ANKRD11: variants seen among roughly 807,000 people sequenced by gnomAD.
ANKRD11 encodes ankyrin repeat domain 11, also known as ankyrin repeat domain-containing protein 11.
ANKRD11 carries 17 observed loss-of-function variants against 195.7 expected under a neutral mutation model. The ratio of observed to expected loss-of-function variants is 0.09; its 90% CI spans 0.06 to 0.13. The LOEUF is 0.13. Among genes scored for constraint, ANKRD11 ranks in the 10% least tolerant of loss-of-function variants. The probability of loss-of-function intolerance (pLI) is 1.00; values close to 1 mark genes in which losing one functional copy is unlikely to be tolerated. For missense variants in ANKRD11, 3,735 were observed against 3,566.1 expected, an observed-to-expected ratio of 1.05 and a Z score of -1.21; for synonymous variants, 1,953 against 1,528.1, an observed-to-expected ratio of 1.28 and a Z score of -6.49.
intron 2 of ANKRD11, among the ~76,000 whole-genome samples, chr16:89,407,168 A>G (rs1236474528): frequency 6.6e-6 from 1 of 151,954 alleles, no homozygotes; most frequent in African/African-American, 2.4e-5. Flanking sequence ...CTGGGCAACA[A>G]GAGCGAAACC....
intron 1 of ANKRD11, among the ~76,000 whole-genome samples, chr16:89,467,145 A>T (rs973835989): frequency 1.3e-5 from 2 of 152,218 alleles, no homozygotes; most frequent in African/African-American, 4.8e-5. Context: ...CACAAGCTGC[A>T]ATCAGGCCAG....
Position 89,273,422 on chromosome 16 carries a change from C to A in ANKRD11, c.7713+1392G>T, listed in dbSNP as rs562277087. Among the ~76,000 whole-genome samples the A allele has an allele frequency of 4.6e-5, 7 of 152,296 alleles. No homozygotes were observed. The South Asian group carries it at 1.5e-3, about 32-fold the overall frequency. On this transcript the variant is annotated intron_variant, in intron 11 of 12. Transcript: ENST00000301030. ...GTTTTCTTTAAAGAAAATCTGTCGGCTGGGTGCGGTGGCTCACGCCTGTAA... is the reference window on the plus strand; with the variant it reads ...GTTTTCTTTAAAGAAAATCTGTCGGATGGGTGCGGTGGCTCACGCCTGTAA...
intron 1 of ANKRD11, among the ~76,000 whole-genome samples, chr16:89,446,778 G>A (rs2043812771): frequency 6.6e-6 from 1 of 152,052 alleles, no homozygotes; most frequent in Non-Finnish European, 1.5e-5. Context: ...GCACCAAGGG[G>A]CCCTTCTCAC....
intron 1 of ANKRD11, among the ~76,000 whole-genome samples, chr16:89,482,520 C>T (rs924702869): frequency 6.6e-5 from 10 of 152,210 alleles, no homozygotes; most frequent in Admixed American, 5.9e-4. Flanking sequence ...CCCCTGGAAC[C>T]TGTGAATGCC....
In ANKRD11 at chr16:89,281,167, G is replaced by T; in HGVS notation, c.5375C>A (p.Ser1792Tyr). Residue 1792 changes from serine to tyrosine, a missense_variant, in exon 9 of 13, where the codon TCT (serine) becomes TAT (tyrosine). Physicochemically the swap from Ser to Tyr is moderately radical, Grantham distance 144 (BLOSUM62 -2). Coordinates refer to ENST00000301030, the MANE Select transcript of ANKRD11 (RefSeq NM_013275.6). This position sits in a 1 kb window ranked among gnomAD's most constrained non-coding sequence, Gnocchi z 5.5. ...PLSTNLYRSVSVDIRRTPEEE... is the reference protein window; with the variant it reads ...PLSTNLYRSVYVDIRRTPEEE... ...CTCGGGGGTCCTCCTAATGTCGACA[G>T]AGACCGAGCGGTAAAGGTTTGTGGA... 6.2e-7 allele frequency: 1 copy of T among 1,614,176 alleles called. No homozygotes were observed. The highest frequency in any genetic ancestry group is 8.5e-7 in the Non-Finnish European group (1 of 1,180,026).
intron 2 of ANKRD11, among the ~76,000 whole-genome samples, chr16:89,394,762 G>A (rs1272648136): frequency 6.6e-6 from 1 of 152,158 alleles, no homozygotes; most frequent in Non-Finnish European, 1.5e-5. Flanking sequence ...CAAGGATGCT[G>A]TAAAATTACA....
intron 2 of ANKRD11, among the ~76,000 whole-genome samples, chr16:89,328,276 G>T (rs2037841649): frequency 2.0e-5 from 3 of 152,184 alleles, no homozygotes; most frequent in African/African-American, 7.2e-5. Flanking sequence ...CTGCTCTGGA[G>T]AACAGCAAGG....
intron 2 of ANKRD11, among the ~76,000 whole-genome samples, chr16:89,335,236 C>T (rs2038288579): frequency 6.6e-6 from 1 of 152,270 alleles, no homozygotes; most frequent in Middle Eastern, 3.4e-3. Context: ...CTGGGAGACG[C>T]GGGTGACAGC....
intron 11 of ANKRD11, among the ~76,000 whole-genome samples, chr16:89,274,327 G>T (rs958083840): frequency 5.9e-5 from 9 of 152,210 alleles, no homozygotes; most frequent in Non-Finnish European, 1.2e-4. Context: ...TGGCCCAGAT[G>T]AGCGGCACAC....
intron 1 of ANKRD11, among the ~76,000 whole-genome samples, chr16:89,441,669 A>G (rs969031388): frequency 1.7e-4 from 25 of 146,544 alleles, no homozygotes; most frequent in Non-Finnish European, 3.3e-4. Context: ...CGGGAGGCTG[A>G]GGCAGGAGAA....
In ANKRD11 at chr16:89,275,197, G is replaced by A. The variant is rs367974049; in HGVS notation, c.7471-6C>T. 5.6e-6 allele frequency: 9 copies of A among 1,602,638 alleles called. No individual in the cohort carries two copies. In the African/African-American group the frequency reaches 1.1e-4, roughly 19 times the overall value. On this transcript the variant is annotated splice_polypyrimidine_tract_variant and splice_region_variant and intron_variant, in intron 9 of 12. Transcript: ENST00000301030. The stretch of plus-strand genomic sequence containing the variant: ...AGGGAGGGAGGGGGTGCGATCTACA[G>A]GCAAAAGGTGAGTGTGGGGGGTCAG...
chr16:89,300,664 C>G (rs1168231475), intron 4 of ANKRD11: 2 of 517,544 alleles, frequency 3.9e-6, no homozygotes, highest in Non-Finnish European at 3.4e-6. Context: ...CAGGAGCCGT[C>G]AGAACAGCCG....
chr16:89,282,090 C>T lies in ANKRD11; in HGVS notation c.4452G>A (p.Leu1484=), dbSNP rs141176278. 6.2e-7 allele frequency: 1 copy of T among 1,613,954 alleles called. No individual in the cohort carries two copies. Among genetic ancestry groups the T allele is most frequent in the Non-Finnish European group, 8.5e-7 (1 of 1,179,934 alleles). The part of the protein sequence containing the change: ...ERHRDRHADG[L]LRHHRDELLR... ...GGAGCTCGTCCCTGTGATGCCGCAG[C>T]AGCCCATCCGCATGCCTGTCCCGGT... is the stretch of plus-strand genomic sequence containing the variant. The change falls in exon 9 of 13, where the codon CTG becomes CTA. Residue 1484 remains leucine, a synonymous_variant. Transcript: ENST00000301030.
Position 89,280,593 on chromosome 16 carries a change from A to G in ANKRD11, c.5949T>C (p.Ser1983=). The change falls in exon 9 of 13, where the codon TCT becomes TCC. Residue 1983 remains serine, a synonymous_variant. Transcript: ENST00000301030. ...WPVGSDLLLK[S]PQRFPESPKR... is the part of the protein sequence containing the mutation. The stretch of plus-strand genomic sequence containing the variant: ...TTGGGGACTCGGGGAATCTCTGTGG[A>G]GACTTCAGCAGGAGGTCCGAGCCCA... 1 of 1,613,398 alleles carries G rather than the reference A, an allele frequency of 6.2e-7. No individual in the cohort carries two copies. The highest frequency in any genetic ancestry group is 8.5e-7 in the Non-Finnish European group (1 of 1,179,920).
intron 4 of ANKRD11, among the ~76,000 whole-genome samples, chr16:89,295,065 G>C (rs1026202706): frequency 1.3e-5 from 2 of 152,240 alleles, no homozygotes; most frequent in South Asian, 4.1e-4. Context: ...GTTGCAAAGT[G>C]GAAAACTGGC....
chr16:89,437,017 C>T (rs1567804038), intron 1 of ANKRD11, among the ~76,000 whole-genome samples: 3 of 152,190 alleles, frequency 2.0e-5, no homozygotes, highest in South Asian at 4.1e-4. Flanking sequence ...GAATTTAGAA[C>T]ATTTGTCCCC....
intron 3 of ANKRD11, among the ~76,000 whole-genome samples, chr16:89,308,065 T>A (rs1322433756): frequency 6.8e-6 from 1 of 147,830 alleles, no homozygotes; most frequent in African/African-American, 2.5e-5. Flanking sequence ...CAGAACCTGA[T>A]GAGGGGAAGG....
At chr16:89,469,220 T>C (rs996656352) in intron 1 of ANKRD11, among the ~76,000 whole-genome samples, 18 of 152,030 alleles carry the variant, frequency 1.2e-4, no homozygotes, top group Non-Finnish European at 1.8e-4. Flanking sequence ...GCCTGTGATA[T>C]CCACTCTTTT....
chr16:89,357,323 G>A (rs2039530268), intron 2 of ANKRD11, among the ~76,000 whole-genome samples: 1 of 152,142 alleles, frequency 6.6e-6, no homozygotes, highest in South Asian at 2.1e-4. Context: ...CACGTGTCCC[G>A]GGGACAGGAC....
Sources: allele counts gnomAD v4.1 joint callset (sites outside exome capture counted in the v4.1 genomes callset), GRCh38; gene constraint gnomAD v4.1.1; non-coding constraint Gnocchi (gnomAD v3.1); transcripts MANE v1.5; gene names NCBI Gene and HGNC (gene_info 2026-07-23, HGNC 2026-07-21).